The following CSMD1 variants were observed in gnomAD, a reference collection of about 807,000 sequenced individuals.
The protein encoded by CSMD1 is CUB and Sushi multiple domains 1, also known as CUB and sushi domain-containing protein 1.
A neutral mutation model predicts 417.5 loss-of-function variants in CSMD1; 213 were observed. The ratio of observed to expected loss-of-function variants is 0.51; its 90% confidence interval spans 0.46 to 0.57. The LOEUF is 0.57. Among genes scored for constraint, CSMD1 ranks in the 20% least tolerant of loss-of-function variants. CSMD1 has a pLI of 0.00. For synonymous variants in CSMD1, 2,862 were observed against 1,736.8 expected (o/e 1.65, Z -16.11); for missense variants, 6,923 against 4,529.7 (o/e 1.53, Z -15.17).
At chr8:3,403,993 T>G (rs1812194515) in intron 15 of CSMD1, among the ~76,000 whole-genome samples, 1 of 152,216 alleles carries the variant, frequency 6.6e-6, no homozygotes, top group African/African-American at 2.4e-5. Flanking sequence ...TGGTGCTTCT[T>G]GTCCACCCAC....
chr8:4,165,818 T>G (rs887917847), intron 3 of CSMD1, among the ~76,000 whole-genome samples: 3 of 152,238 alleles, frequency 2.0e-5, no homozygotes, highest in Non-Finnish European at 4.4e-5. Context: ...TCACTCTTAC[T>G]AGGTTGTTGC....
At chr8:4,352,321 A>C (rs778454334) in intron 3 of CSMD1, among the ~76,000 whole-genome samples, 1 of 152,246 alleles carries the variant, frequency 6.6e-6, no homozygotes. Context: ...CTATGCCATC[A>C]TAAAAATTAA....
chr8:3,016,589 C>T (rs554294504), intron 52 of CSMD1, among the ~76,000 whole-genome samples: 5 of 152,336 alleles, frequency 3.3e-5, no homozygotes, highest in African/African-American at 1.2e-4. Context: ...ATGAATTACT[C>T]ATGGTTTACC....
intron 5 of CSMD1, among the ~76,000 whole-genome samples, chr8:3,902,609 G>A (rs111938633): frequency 1.3e-5 from 2 of 152,012 alleles, no homozygotes; most frequent in East Asian, 2.0e-4. Flanking sequence ...ATCTAATGTC[G>A]CCGCCGATCT....
chr8:3,841,223 T>C (rs1305501816), intron 5 of CSMD1, among the ~76,000 whole-genome samples: 1 of 152,162 alleles, frequency 6.6e-6, no homozygotes, highest in East Asian at 1.9e-4. Context: ...ATAAACTTGT[T>C]TGGAAAGGTT....
chr8:3,558,037 T>C (rs1181219937), intron 10 of CSMD1, among the ~76,000 whole-genome samples: 1 of 148,914 alleles, frequency 6.7e-6, no homozygotes, highest in Non-Finnish European at 1.5e-5. Flanking sequence ...GCCTCAGAAG[T>C]AACCCGTGTC....
At chr8:3,824,144 C>T (rs555722414) in intron 5 of CSMD1, among the ~76,000 whole-genome samples, 9 of 151,944 alleles carry the variant, frequency 5.9e-5, no homozygotes, top group Middle Eastern at 3.4e-3. Flanking sequence ...ATTCACCAGC[C>T]GAGTCAAACA....
rs147790578 is a variant in CSMD1 at position 4,675,450 on chromosome 8, G to T, written c.86-37892C>A. On this transcript the variant is annotated intron_variant, in intron 1 of 69. Coordinates refer to ENST00000635120, the MANE Select transcript of CSMD1 (RefSeq NM_033225.6). The stretch of plus-strand genomic sequence containing the variant: ...TTTAACTTTGCTGAGCCTCAGGATT[G>T]TAAGAACATTAAATAAAGAACAATA... Among the ~76,000 whole-genome samples, 535 of 152,192 alleles carry T rather than the reference G, an allele frequency of 3.5e-3. 3 individuals carry two copies. The highest frequency in any genetic ancestry group is 0.014 in the Middle Eastern group (4 of 292).
intron 5 of CSMD1, among the ~76,000 whole-genome samples, chr8:3,860,943 A>C (rs368324345): frequency 6.6e-6 from 1 of 152,352 alleles, no homozygotes; most frequent in East Asian, 1.9e-4. Flanking sequence ...TATATTTTCT[A>C]GTTGATATAC....
intron 37 of CSMD1, among the ~76,000 whole-genome samples, chr8:3,175,129 T>C (rs79403672): frequency 0.18 from 27,367 of 152,104 alleles, 2,811 homozygotes; most frequent in East Asian, 0.45. Flanking sequence ...AACAGTAAAA[T>C]ATTTATGTTT....
At chr8:3,429,665 T>C (rs1302761092) in intron 12 of CSMD1, among the ~76,000 whole-genome samples, 3 of 152,230 alleles carry the variant, frequency 2.0e-5, no homozygotes, top group Non-Finnish European at 2.9e-5. Context: ...TTGCACACTT[T>C]TGAATATCTG....
At chr8:4,981,301 A>C (rs1389527186) in intron 1 of CSMD1, among the ~76,000 whole-genome samples, 2 of 152,242 alleles carry the variant, frequency 1.3e-5, no homozygotes, top group Admixed American at 6.5e-5. Flanking sequence ...AGAGGGGGCT[A>C]CAGTGAAGAA....
Position 4,844,922 on chromosome 8 carries a change from G to A in CSMD1, c.85+149410C>T, listed in dbSNP as rs187487975. Among the ~76,000 whole-genome samples, 659 of 152,156 alleles carry A rather than the reference G, an allele frequency of 4.3e-3. 4 individuals carry two copies. Among genetic ancestry groups the A allele is most frequent in the African/African-American group, 0.015 (605 of 41,526 alleles). Reference sequence around the variant, plus strand: ...CAAGAGTATGGTTTTACTTAACTTCGTGTTTCCCAAATAGACACCAGTCAA... The same window carrying A: ...CAAGAGTATGGTTTTACTTAACTTCATGTTTCCCAAATAGACACCAGTCAA... On this transcript the variant is annotated intron_variant, in intron 1 of 69. Coordinates refer to ENST00000635120, the MANE Select transcript of CSMD1 (RefSeq NM_033225.6).
chr8:4,087,878 G>C (rs1397487675), intron 3 of CSMD1, among the ~76,000 whole-genome samples: 1 of 152,080 alleles, frequency 6.6e-6, no homozygotes, highest in Middle Eastern at 3.4e-3. Context: ...TTTCTACCCT[G>C]CTTAACTCTG....
At chr8:2,978,965 G>C (rs1237924954) in intron 54 of CSMD1, among the ~76,000 whole-genome samples, 165 bp from the exon 55 acceptor site, 3 of 152,130 alleles carry the variant, frequency 2.0e-5, no homozygotes, top group African/African-American at 4.8e-5. Flanking sequence ...TCTCCGCTTT[G>C]GACCACTCTT....
chr8:4,035,957 T>C (rs1363976874), intron 3 of CSMD1, among the ~76,000 whole-genome samples: 1 of 152,106 alleles, frequency 6.6e-6, no homozygotes, highest in Non-Finnish European at 1.5e-5. Context: ...TCACGGTAAG[T>C]GTCCTATGAG....
chr8:4,319,741 G>A (rs1224358707), intron 3 of CSMD1, among the ~76,000 whole-genome samples: 1 of 152,162 alleles, frequency 6.6e-6, no homozygotes, highest in African/African-American at 2.4e-5. Flanking sequence ...GAGACTTGCC[G>A]GGGGGCCAAA....
intron 3 of CSMD1, among the ~76,000 whole-genome samples, chr8:4,141,150 A>G (rs34695833): frequency 0.3 from 45,347 of 151,056 alleles, 8,485 homozygotes; most frequent in Non-Finnish European, 0.39. Flanking sequence ...TCCAATAAGT[A>G]ACAGAACGTG....
intron 6 of CSMD1, among the ~76,000 whole-genome samples, chr8:3,713,901 T>G (rs1360793228): frequency 6.6e-6 from 1 of 152,100 alleles, no homozygotes; most frequent in African/African-American, 2.4e-5. Context: ...TACTGTAATT[T>G]TATCAATGCC....
Sources: gnomAD v4.1 joint callset for allele counts (sites outside exome capture counted in the v4.1 genomes callset) on GRCh38, gnomAD v4.1.1 for gene constraint, MANE v1.5 for transcripts, NCBI Gene and HGNC (gene_info 2026-07-23, HGNC 2026-07-21) for gene names.